SCTR: variants seen among roughly 807,000 people sequenced by gnomAD.
The protein encoded by SCTR is secretin receptor.
Under a neutral mutation model 60.8 loss-of-function variants are expected in SCTR, and 56 were observed. That is an observed-to-expected ratio of 0.92 (90% confidence interval 0.74 to 1.15). The LOEUF is 1.15. Among genes scored for constraint, SCTR ranks in the 50% most tolerant of loss-of-function variants. SCTR has a pLI of 0.00. For synonymous variants in SCTR, 202 were observed against 217.0 expected, an observed-to-expected ratio of 0.93 and a Z score of 0.61; for missense variants, 562 against 550.4, an observed-to-expected ratio of 1.02 and a Z score of -0.21.
chr2:119,446,745 T>G lies in SCTR; in HGVS notation c.1140+14A>C, dbSNP rs1445793763. ...TCCTCTTTTCAGCTGGCAGCCCCAG[T>G]CCTGGAAACTTACCTGGAATGAGCC... is the stretch of plus-strand genomic sequence containing the variant. On this transcript the variant is annotated intron_variant, in intron 11 of 12. Transcript: ENST00000019103. 1 of 1,503,530 alleles carries G rather than the reference T, an allele frequency of 6.7e-7. No individual in the cohort carries two copies. The highest frequency in any genetic ancestry group is 8.9e-7 in the Non-Finnish European group (1 of 1,120,544). 93.1% of individuals were successfully genotyped at this position (1,503,530 alleles called of 1,614,324 possible).
chr2:119,441,724 T>G, intron 11 of SCTR, 125 bp from the exon 12 acceptor site: 1 of 811,238 alleles, frequency 1.2e-6, no homozygotes, highest in Non-Finnish European at 2.1e-6. Flanking sequence ...CCCACCTCTC[T>G]TGCCTCACTG....
intron 2 of SCTR, among the ~76,000 whole-genome samples, chr2:119,490,684 C>A (rs761327785): frequency 6.6e-6 from 1 of 152,186 alleles, no homozygotes; most frequent in Non-Finnish European, 1.5e-5. Flanking sequence ...GTCAGTGTCC[C>A]CACCCACACA....
chr2:119,516,780 T>C (rs1054838793), intron 1 of SCTR, among the ~76,000 whole-genome samples: 1 of 152,058 alleles, frequency 6.6e-6, no homozygotes, highest in African/African-American at 2.4e-5. Flanking sequence ...GCCAACATGG[T>C]GGAACCGCGT....
chr2:119,464,567 C>T (rs6711482), intron 5 of SCTR, among the ~76,000 whole-genome samples: 26,920 of 152,004 alleles, frequency 0.18, 2,518 homozygotes, highest in East Asian at 0.3. Flanking sequence ...ATTGAGACTT[C>T]TGTATCTACA....
At chr2:119,478,018 T>C (rs908163139) in intron 3 of SCTR, among the ~76,000 whole-genome samples, 12 of 152,252 alleles carry the variant, frequency 7.9e-5, no homozygotes, top group Admixed American at 7.8e-4. Flanking sequence ...CCACAGTCTC[T>C]GAACCGTGGT....
intron 2 of SCTR, among the ~76,000 whole-genome samples, chr2:119,484,173 C>A (rs1677759929): frequency 6.6e-6 from 1 of 152,108 alleles, no homozygotes; most frequent in African/African-American, 2.4e-5. Context: ...AATAGGGCCA[C>A]ACTTACTGAG....
chr2:119,463,093 G>A (rs530669626), intron 6 of SCTR, among the ~76,000 whole-genome samples: 2 of 151,846 alleles, frequency 1.3e-5, no homozygotes, highest in East Asian at 3.9e-4. Flanking sequence ...ACACAACTCT[G>A]AACAATACAA....
At position 119,445,828 on chromosome 2, in the gene SCTR, C is replaced by T. The variant is rs550412340; in HGVS notation, c.1140+931G>A. On this transcript the variant is annotated intron_variant, in intron 11 of 12. Coordinates refer to ENST00000019103, the MANE Select transcript of SCTR (RefSeq NM_002980.3). The stretch of plus-strand genomic sequence containing the variant: ...GGAAGCTCCCTATCATACTTATGAC[C>T]CATCTCTCCCTCCTGTATAGAACTT... Among the ~76,000 whole-genome samples the T allele has an allele frequency of 4.6e-5, 7 of 152,310 alleles. No individual in the cohort carries two copies. In the East Asian group the frequency reaches 1.2e-3, roughly 25 times the overall value.
At chr2:119,464,982 G>A (rs1223090424) in intron 5 of SCTR, among the ~76,000 whole-genome samples, 1 of 152,182 alleles carries the variant, frequency 6.6e-6, no homozygotes, top group Non-Finnish European at 1.5e-5. Flanking sequence ...TGCTGCAGGG[G>A]ACAGAAGTCA....
rs867779859 is a variant in SCTR at position 119,487,905 on chromosome 2, C to T, written c.193+6523G>A. On this transcript the variant is annotated intron_variant, in intron 2 of 12. Transcript: ENST00000019103. ...ACCCTCAACGGAGAGCCCCAGCAGC[C>T]CCTCCCCCCACACAGGTGTCAGGAT... Among the ~76,000 whole-genome samples, 3 of 152,222 alleles carry T rather than the reference C, an allele frequency of 2.0e-5. No homozygotes were observed. The South Asian group carries it at 6.2e-4, about 32-fold the overall frequency.
chr2:119,494,564 C>A lies in SCTR; in HGVS notation c.73-16G>T. On this transcript the variant is annotated splice_polypyrimidine_tract_variant and intron_variant, in intron 1 of 12. Coordinates refer to ENST00000019103, the MANE Select transcript of SCTR (RefSeq NM_002980.3). ...GGGCTCCAGTCTGCAAGTCCAAAAC[C>A]AGGGATGCTCATCATTGCCACTAAC... The A allele has an allele frequency of 6.2e-7, 1 of 1,613,068 alleles. No homozygotes were observed.
At chr2:119,522,077 C>T (rs1423705915) in intron 1 of SCTR, among the ~76,000 whole-genome samples, 2 of 152,090 alleles carry the variant, frequency 1.3e-5, no homozygotes, top group Non-Finnish European at 2.9e-5. Context: ...GGCAGGTCAC[C>T]TGAGGTCAGG....
At chr2:119,506,133 A>G (rs1359289611) in intron 1 of SCTR, among the ~76,000 whole-genome samples, 1 of 152,212 alleles carries the variant, frequency 6.6e-6, no homozygotes, top group Non-Finnish European at 1.5e-5. Context: ...GCAACTAAAC[A>G]TGCAACTACG....
chr2:119,455,507 C>T (rs946964366), intron 7 of SCTR, among the ~76,000 whole-genome samples: 4 of 152,180 alleles, frequency 2.6e-5, no homozygotes, highest in African/African-American at 9.7e-5. Flanking sequence ...CTCTAAGGAA[C>T]GCCATCGGAG....
Position 119,467,151 on chromosome 2 carries a change from C to T in SCTR, c.406-1265G>A, listed in dbSNP as rs567517151. Among the ~76,000 whole-genome samples, 17 of 151,874 alleles carry T rather than the reference C, an allele frequency of 1.1e-4. No homozygotes were observed. In the South Asian group the frequency reaches 1.7e-3, roughly 15 times the overall value. On this transcript the variant is annotated intron_variant, in intron 4 of 12. Transcript: ENST00000019103. ...TCCCTGCACTTTAGGAGGCCAAAGT[C>T]GGTGGATCACTCGAGGTTAGAGTTC... is the stretch of plus-strand genomic sequence containing the variant.
At chr2:119,481,794 G>A (rs548846360) in intron 2 of SCTR, among the ~76,000 whole-genome samples, 3 of 152,222 alleles carry the variant, frequency 2.0e-5, no homozygotes, top group East Asian at 1.9e-4. Flanking sequence ...ATGAAGGGAC[G>A]CCAGCTGGAA....
chr2:119,459,403 A>C (rs966456817), intron 7 of SCTR, among the ~76,000 whole-genome samples: 3 of 142,656 alleles, frequency 2.1e-5, no homozygotes, highest in African/African-American at 8.3e-5. Flanking sequence ...GGACTAGGGT[A>C]ATTTTTTTTT....
At chr2:119,506,492 A>ATTTT (rs1263174976) in intron 1 of SCTR, among the ~76,000 whole-genome samples, 4 of 151,208 alleles carry the variant, frequency 2.6e-5, no homozygotes, top group South Asian at 2.1e-4. Flanking sequence ...TTATTTATTT[A>ATTTT]TCTTTTAGAG....
chr2:119,450,928 G>A (rs891812980), intron 9 of SCTR, among the ~76,000 whole-genome samples: 11 of 152,228 alleles, frequency 7.2e-5, no homozygotes, highest in Admixed American at 6.5e-5. Flanking sequence ...GCGCCACTGC[G>A]CTCCAGCCTG....
Sources: allele counts gnomAD v4.1 joint callset (sites outside exome capture counted in the v4.1 genomes callset), GRCh38; gene constraint gnomAD v4.1.1; transcripts MANE v1.5; gene names NCBI Gene and HGNC (gene_info 2026-07-23, HGNC 2026-07-21).